The following SSBP2 variants were observed in gnomAD, a reference collection of about 807,000 sequenced individuals.
The protein encoded by SSBP2 is single-stranded DNA-binding protein 2.
In SSBP2, 17 loss-of-function variants were observed where a neutral mutation model predicts 61.8. The ratio of observed to expected loss-of-function variants is 0.28; its 90% CI spans 0.19 to 0.41. The LOEUF is 0.41. Among genes scored for constraint, SSBP2 ranks in the 10% least tolerant of loss-of-function variants. SSBP2 has a pLI of 1.00. For missense variants in SSBP2, 310 were observed against 458.7 expected (o/e 0.68, Z 2.96); for synonymous variants, 139 against 141.3 (o/e 0.98, Z 0.12).
intron 1 of SSBP2, among the ~76,000 whole-genome samples, chr5:81,701,669 T>C (rs977607040): frequency 6.6e-6 from 1 of 152,244 alleles, no homozygotes; most frequent in Admixed American, 6.5e-5. Flanking sequence ...CCTTTTATTT[T>C]AGTTGTACCA....
intron 1 of SSBP2, among the ~76,000 whole-genome samples, chr5:81,694,593 C>T (rs560239773): frequency 8.6e-5 from 13 of 151,866 alleles, no homozygotes; most frequent in African/African-American, 3.1e-4. Context: ...TTTTAAAAAG[C>T]CTCTGTTCCT....
intron 10 of SSBP2, among the ~76,000 whole-genome samples, chr5:81,451,328 A>G (rs2153980041): frequency 6.6e-6 from 1 of 151,886 alleles, no homozygotes; most frequent in East Asian, 1.9e-4. Context: ...TATATCCCAG[A>G]TAGGAAAAAA....
chr5:81,438,340 G>A (rs1441212310), intron 14 of SSBP2, among the ~76,000 whole-genome samples: 1 of 125,502 alleles, frequency 8.0e-6, no homozygotes, highest in African/African-American at 3.6e-5. Flanking sequence ...GACAGAGTGA[G>A]ACTGTCTCAA....
At chr5:81,433,407 C>G (rs1178571615) in intron 15 of SSBP2, among the ~76,000 whole-genome samples, 1 of 151,870 alleles carries the variant, frequency 6.6e-6, no homozygotes, top group Non-Finnish European at 1.5e-5. Context: ...TGCTTGAAGG[C>G]AGCATGCTCG....
chr5:81,674,487 A>G (rs1349101691), intron 1 of SSBP2, among the ~76,000 whole-genome samples: 2 of 152,180 alleles, frequency 1.3e-5, no homozygotes, highest in East Asian at 3.8e-4. Context: ...TGACTCAATG[A>G]CAGTTGGTTA....
intron 4 of SSBP2, among the ~76,000 whole-genome samples, chr5:81,531,413 G>T (rs1770399183): frequency 6.6e-6 from 1 of 151,882 alleles, no homozygotes; most frequent in African/African-American, 2.4e-5. Context: ...AATAAGACAA[G>T]ATTATAGTCC....
chr5:81,749,989 C>A (rs1248887529), intron 1 of SSBP2, among the ~76,000 whole-genome samples: 3 of 152,106 alleles, frequency 2.0e-5, no homozygotes, highest in Non-Finnish European at 4.4e-5. Context: ...CGGGCGCCCC[C>A]GGCGGCTCCC....
chr5:81,473,705 G>A lies in SSBP2; in HGVS notation c.565C>T (p.Pro189Ser), dbSNP rs769752810. 27 of 1,613,616 alleles carry A rather than the reference G, an allele frequency of 1.7e-5. No homozygotes were observed. The highest frequency in any genetic ancestry group is 2.0e-5 in the Non-Finnish European group (24 of 1,179,806). Residue 189 changes from proline (P) to serine (S), a missense_variant, in exon 8 of 17, where the codon CCA becomes TCA. Around this residue, in one of 4 missense-constraint regions of SSBP2, gnomAD observed 209 missense variants for 286.4 expected, o/e 0.73. Coordinates refer to ENST00000320672, the MANE Select transcript of SSBP2 (RefSeq NM_012446.5). ...AATATGCACTGATTATTTACCTGTGGTCCTAAGGGCACCATTCCTCTTGGA... is the reference window on the plus strand; with the variant it reads ...AATATGCACTGATTATTTACCTGTGATCCTAAGGGCACCATTCCTCTTGGA...
rs192336089 is a variant in SSBP2, at chr5:81,708,847, C to G, written c.62+42134G>C. Among the ~76,000 whole-genome samples, 9 of 152,060 alleles carry G rather than the reference C, an allele frequency of 5.9e-5. No individual in the cohort carries two copies. In the East Asian group the frequency reaches 1.7e-3, roughly 29 times the overall value. ...AGAAGAAACAGTAAAGTGTGTTGAT[C>G]TTTACTCCCAAGGTAGAGGACACAG... is the stretch of plus-strand genomic sequence containing the variant. On this transcript the variant is annotated intron_variant, in intron 1 of 16. Coordinates refer to ENST00000320672, the MANE Select transcript of SSBP2 (RefSeq NM_012446.5).
At chr5:81,741,843 A>G (rs1403336853) in intron 1 of SSBP2, among the ~76,000 whole-genome samples, 1 of 152,354 alleles carries the variant, frequency 6.6e-6, no homozygotes, top group Non-Finnish European at 1.5e-5. Flanking sequence ...CACTGTAACA[A>G]TATTTTTTGT....
At chr5:81,519,778 T>G (rs1303541489) in intron 4 of SSBP2, among the ~76,000 whole-genome samples, 1 of 152,132 alleles carries the variant, frequency 6.6e-6, no homozygotes, top group Non-Finnish European at 1.5e-5. Flanking sequence ...TTCTGAATTG[T>G]AGGCCCCCAG....
At chr5:81,421,759 T>C (rs922467658) in intron 16 of SSBP2, among the ~76,000 whole-genome samples, 3 of 152,210 alleles carry the variant, frequency 2.0e-5, no homozygotes, top group African/African-American at 7.2e-5. Context: ...TTCAAAGACA[T>C]ACTTGTTCTG....
chr5:81,428,460 C>CT lies in SSBP2; in HGVS notation c.1056+124dup, dbSNP rs1328172712. On this transcript the variant is annotated intron_variant, in intron 16 of 16. Transcript: ENST00000320672. ...CAAAGATATTCCACTTAAAGTTTCT[C>CT]TTATCTAAAAGATAAACCTGTTGAA... 2.8e-5 allele frequency: 18 copies of CT among 634,438 alleles called. No homozygotes were observed. In the East Asian group the frequency reaches 4.7e-4, roughly 17 times the overall value. 39.3% of individuals were successfully genotyped at this position (634,438 alleles called of 1,614,324 possible).
chr5:81,695,641 T>C (rs902346635), intron 1 of SSBP2, among the ~76,000 whole-genome samples: 1 of 151,982 alleles, frequency 6.6e-6, no homozygotes, highest in African/African-American at 2.4e-5. Flanking sequence ...AATCTCTACA[T>C]TTTATGTTGA....
chr5:81,630,905 G>C (rs1238392696), intron 3 of SSBP2, among the ~76,000 whole-genome samples: 1 of 152,008 alleles, frequency 6.6e-6, no homozygotes, highest in Non-Finnish European at 1.5e-5. Flanking sequence ...TGCTACAATA[G>C]AACACTCTTA....
At chr5:81,744,622 A>AC (rs893395216) in intron 1 of SSBP2, among the ~76,000 whole-genome samples, 4 of 151,672 alleles carry the variant, frequency 2.6e-5, no homozygotes, top group South Asian at 2.1e-4. Flanking sequence ...AAAAAAAAAA[A>AC]CAAAGGGCTA....
intron 4 of SSBP2, among the ~76,000 whole-genome samples, chr5:81,527,958 TATTACAG>T (rs1397773316): frequency 6.6e-6 from 1 of 151,840 alleles, no homozygotes; most frequent in Admixed American, 6.6e-5. Context: ...ATTTTTTCTG[TATTACAG>T]AAAAAACAAT....
intron 4 of SSBP2, among the ~76,000 whole-genome samples, chr5:81,600,302 C>T (rs1744225162): frequency 1.3e-5 from 2 of 152,048 alleles, no homozygotes; most frequent in South Asian, 4.1e-4. Context: ...GTAGCTCACG[C>T]CTGTAATCCC....
chr5:81,601,840 T>C (rs1421124355), intron 4 of SSBP2, among the ~76,000 whole-genome samples: 4 of 152,242 alleles, frequency 2.6e-5, no homozygotes, highest in Middle Eastern at 6.8e-3. Context: ...ACCATTCCTC[T>C]CAATCTGAAG....
Sources: allele counts gnomAD v4.1 joint callset (sites outside exome capture counted in the v4.1 genomes callset), GRCh38; gene constraint gnomAD v4.1.1; regional missense constraint gnomAD v4.1.1; transcripts MANE v1.5; gene names NCBI Gene and HGNC (gene_info 2026-07-23, HGNC 2026-07-21).